The following MSRA variants were observed in gnomAD, a reference collection of about 807,000 sequenced individuals.
The protein encoded by MSRA is mitochondrial peptide methionine sulfoxide reductase.
Under a neutral mutation model 31.3 loss-of-function variants are expected in MSRA, and 54 were observed. The observed-to-expected ratio is 1.73, with a 90% CI of 1.39 to 2.17. MSRA has a LOEUF of 2.17. Among genes scored for constraint, MSRA ranks in the 30% most tolerant of loss-of-function variants. MSRA has a pLI of 0.00. For synonymous variants in MSRA, 169 were observed against 116.5 expected (o/e 1.45, Z -2.90); for missense variants, 507 against 300.9 (o/e 1.69, Z -5.07).
intron 5 of MSRA, among the ~76,000 whole-genome samples, chr8:10,385,832 G>C (rs1033525683): frequency 2.0e-5 from 3 of 151,560 alleles, no homozygotes; most frequent in African/African-American, 7.3e-5. Context: ...TCCTAAAAAA[G>C]CAGGTGAAGG....
chr8:10,327,670 ACGCCTG>A (rs1802439691), intron 5 of MSRA, among the ~76,000 whole-genome samples: 1 of 152,144 alleles, frequency 6.6e-6, no homozygotes, highest in African/African-American at 2.4e-5. Flanking sequence ...ACGGTGGCTC[ACGCCTG>A]TAATCCCAGC....
chr8:10,204,750 C>G (rs1808797060), intron 1 of MSRA, among the ~76,000 whole-genome samples: 1 of 152,216 alleles, frequency 6.6e-6, no homozygotes, highest in Middle Eastern at 3.2e-3. Context: ...AATAAGTTAT[C>G]TTTCATAATG....
At chr8:10,093,902 T>C (rs1167699343) in intron 1 of MSRA, among the ~76,000 whole-genome samples, 1 of 152,204 alleles carries the variant, frequency 6.6e-6, no homozygotes, top group Non-Finnish European at 1.5e-5. Flanking sequence ...TTGACAGTTA[T>C]TTTCCTTTCA....
rs761898137 is a variant in MSRA, at chr8:10,428,254, A to G, written c.650A>G (p.Asn217Ser). Reference protein sequence around the residue: ...YHQQYLSKNPNGYCGLGGTGV... With the variant: ...YHQQYLSKNPSGYCGLGGTGV... Reference sequence around the variant, plus strand: ...CAGCAGTACCTGAGCAAGAACCCCAATGGCTACTGCGGCCTTGGGGGCACC... The same window carrying G: ...CAGCAGTACCTGAGCAAGAACCCCAGTGGCTACTGCGGCCTTGGGGGCACC... The change falls in exon 6 of 6, where the codon AAT becomes AGT. Residue 217 changes from asparagine to serine, a missense_variant. Asn to Ser is a conservative substitution (Grantham distance 46, BLOSUM62 1). Coordinates refer to ENST00000317173, the MANE Select transcript of MSRA (RefSeq NM_012331.5). The G allele has an allele frequency of 9.9e-6, 16 of 1,613,994 alleles. No individual in the cohort carries two copies. The highest frequency in any genetic ancestry group is 6.7e-5 in the East Asian group (3 of 44,870).
chr8:10,152,076 C>A (rs898154280), intron 1 of MSRA, among the ~76,000 whole-genome samples: 1 of 152,188 alleles, frequency 6.6e-6, no homozygotes, highest in African/African-American at 2.4e-5. Flanking sequence ...ACATGGCTCC[C>A]TTAACTGCAC....
intron 1 of MSRA, among the ~76,000 whole-genome samples, chr8:10,113,289 C>CTTATTTTTTTTTTTTTTT: frequency 2.0e-5 from 1 of 50,904 alleles, no homozygotes; most frequent in African/African-American, 1.1e-4. Flanking sequence ...GAAGACAGGT[C>CTTATTTTTTTTTTTTTTT]TTCTTTTTTT....
At chr8:10,193,244 C>G (rs1585135414) in intron 1 of MSRA, among the ~76,000 whole-genome samples, 1 of 152,170 alleles carries the variant, frequency 6.6e-6, no homozygotes, top group Non-Finnish European at 1.5e-5. Flanking sequence ...AGAATTAGCA[C>G]ATGAGAAACA....
At chr8:10,203,624 G>A (rs940496465) in intron 1 of MSRA, among the ~76,000 whole-genome samples, 3 of 152,164 alleles carry the variant, frequency 2.0e-5, no homozygotes, top group South Asian at 2.1e-4. Flanking sequence ...CAGCACATTC[G>A]ATAATGTATA....
chr8:10,069,213 G>A (rs1253308877), intron 1 of MSRA, among the ~76,000 whole-genome samples: 1 of 152,192 alleles, frequency 6.6e-6, no homozygotes, highest in Non-Finnish European at 1.5e-5. Context: ...TGAATGAACA[G>A]TTTTATTTCT....
intron 5 of MSRA, among the ~76,000 whole-genome samples, chr8:10,403,059 T>A (rs1231286807): frequency 6.6e-6 from 1 of 152,190 alleles, no homozygotes; most frequent in East Asian, 1.9e-4. Context: ...GACACCTGTC[T>A]TGGCTCTGGT....
intron 1 of MSRA, among the ~76,000 whole-genome samples, chr8:10,062,001 G>A (rs541152228): frequency 1.3e-5 from 2 of 152,208 alleles, no homozygotes; most frequent in South Asian, 4.1e-4. Context: ...TGCGTTGGGT[G>A]GGGGAAGGGA....
intron 1 of MSRA, among the ~76,000 whole-genome samples, chr8:10,109,300 A>G (rs1270571988): frequency 6.6e-6 from 1 of 152,090 alleles, no homozygotes; most frequent in East Asian, 1.9e-4. Context: ...CTAAGATGCT[A>G]AAGAGCACAA....
At chr8:10,236,747 T>C (rs1811977716) in intron 2 of MSRA, among the ~76,000 whole-genome samples, 1 of 152,180 alleles carries the variant, frequency 6.6e-6, no homozygotes, top group African/African-American at 2.4e-5. Flanking sequence ...GGTTTTACTA[T>C]GTTGGCCAGG....
At chr8:10,177,454 T>C (rs1806153587) in intron 1 of MSRA, among the ~76,000 whole-genome samples, 1 of 152,346 alleles carries the variant, frequency 6.6e-6, no homozygotes, top group South Asian at 2.1e-4. Context: ...TTTTTGTTGA[T>C]ACATTTTCTT....
At chr8:10,131,396 T>G (rs368211615) in intron 1 of MSRA, among the ~76,000 whole-genome samples, 1 of 152,246 alleles carries the variant, frequency 6.6e-6, no homozygotes, top group South Asian at 2.1e-4. Flanking sequence ...ATGTAGGATT[T>G]GGGCAGGTAG....
chr8:10,426,456 A>G (rs1809170944), intron 5 of MSRA, among the ~76,000 whole-genome samples: 1 of 152,272 alleles, frequency 6.6e-6, no homozygotes, highest in African/African-American at 2.4e-5. Context: ...GGAGAGGGCC[A>G]GGAGGAGCTG....
In MSRA at chr8:10,428,763, G is replaced by A. The variant is rs14879; in HGVS notation, c.*451G>A. Reference sequence around the variant, plus strand: ...TACCAAATCTAGACATACATAAGGGGCTTTCTCTCCCTTTTCAGCCCTCTC... The same window carrying A: ...TACCAAATCTAGACATACATAAGGGACTTTCTCTCCCTTTTCAGCCCTCTC... On this transcript the variant is annotated 3_prime_UTR_variant, in exon 6 of 6. Transcript: ENST00000317173. 95,111 of 172,702 alleles carry A rather than the reference G, an allele frequency of 0.55. 29,539 individuals carry two copies. Among genetic ancestry groups the A allele is most frequent in the Non-Finnish European group, 0.69 (57,137 of 82,948 alleles). 10.7% of individuals were successfully genotyped at this position (172,702 alleles called of 1,614,324 possible). A position where few individuals can be genotyped will look rare whatever the true frequency, so the allele number is the denominator to read the frequency against.
At chr8:10,139,741 C>T (rs752464750) in intron 1 of MSRA, among the ~76,000 whole-genome samples, 5 of 152,300 alleles carry the variant, frequency 3.3e-5, no homozygotes, top group Non-Finnish European at 7.4e-5. Flanking sequence ...TATGTATATA[C>T]ACCACATTTT....
intron 2 of MSRA, among the ~76,000 whole-genome samples, chr8:10,244,491 C>T (rs1563262238): frequency 6.6e-6 from 1 of 152,156 alleles, no homozygotes; most frequent in Non-Finnish European, 1.5e-5. Context: ...CCCTGCCTCC[C>T]TTCCAAACCC....
Sources: allele counts gnomAD v4.1 joint callset (sites outside exome capture counted in the v4.1 genomes callset), GRCh38; gene constraint gnomAD v4.1.1; transcripts MANE v1.5; gene names NCBI Gene and HGNC (gene_info 2026-07-23, HGNC 2026-07-21).